The following RABGAP1L variants were observed in gnomAD, a reference collection of about 807,000 sequenced individuals.
The protein encoded by RABGAP1L is rab GTPase-activating protein 1-like.
RABGAP1L carries 63 observed loss-of-function variants against 137.7 expected under a neutral mutation model. The ratio of observed to expected loss-of-function variants is 0.46; its 90% CI spans 0.37 to 0.56. The LOEUF is 0.56. Ranked by LOEUF, RABGAP1L falls within the 20% of genes least tolerant of loss-of-function variation. RABGAP1L has a pLI of 0.00. For synonymous variants in RABGAP1L, 431 were observed against 433.7 expected (o/e 0.99, Z 0.08); for missense variants, 1,095 against 1,244.0 (o/e 0.88, Z 1.80).
At chr1:174,723,116 C>T (rs2148597314) in intron 17 of RABGAP1L, among the ~76,000 whole-genome samples, 1 of 152,158 alleles carries the variant, frequency 6.6e-6, no homozygotes, top group Non-Finnish European at 1.5e-5. Context: ...CTCTTGTTGC[C>T]CAGGCTGGAG....
chr1:174,507,342 T>A (rs1001737764), intron 13 of RABGAP1L, among the ~76,000 whole-genome samples: 8 of 152,118 alleles, frequency 5.3e-5, no homozygotes, highest in African/African-American at 1.9e-4. Context: ...TGGTGTAGGG[T>A]TGCCATGTTA....
At chr1:174,377,128 T>C (rs1056280480) in intron 12 of RABGAP1L, among the ~76,000 whole-genome samples, 9 of 152,104 alleles carry the variant, frequency 5.9e-5, no homozygotes, top group Non-Finnish European at 1.0e-4. Context: ...CCATGAAATA[T>C]ATAGAAATCG....
intron 1 of RABGAP1L, among the ~76,000 whole-genome samples, chr1:174,178,363 T>C (rs1206490998): frequency 6.6e-6 from 1 of 152,180 alleles, no homozygotes; most frequent in Non-Finnish European, 1.5e-5. Context: ...TTAAGGAGTT[T>C]TTGGGCTGAG....
intron 1 of RABGAP1L, among the ~76,000 whole-genome samples, chr1:174,203,459 G>C (rs1418359475): frequency 1.3e-5 from 2 of 152,072 alleles, no homozygotes; most frequent in Non-Finnish European, 2.9e-5. Context: ...TTGTTCCATT[G>C]GTCTATGTGC....
intron 13 of RABGAP1L, among the ~76,000 whole-genome samples, chr1:174,441,166 T>C (rs1474255194): frequency 2.0e-5 from 3 of 151,796 alleles, no homozygotes; most frequent in African/African-American, 7.2e-5. Context: ...AGTAATTCCA[T>C]ATAATGATTC....
chr1:174,241,523 C>A lies in RABGAP1L; in HGVS notation c.583C>A (p.Pro195Thr), dbSNP rs770116571. 33 of 1,608,032 alleles carry A rather than the reference C, an allele frequency of 2.1e-5. No homozygotes were observed. Among genetic ancestry groups the A allele is most frequent in the Non-Finnish European group, 2.8e-5 (33 of 1,177,236 alleles). ...CAGCAATGTGGAGATAGCATCTTTT[C>A]CAATCTATAAGGTGTTATTCTGTGC... Reference protein sequence around the residue: ...QSSNVEIASFPIYKVLFCARG... With the variant: ...QSSNVEIASFTIYKVLFCARG... The change falls in exon 5 of 26, where the codon CCA becomes ACA. Residue 195 changes from proline to threonine, a missense_variant. By Grantham distance (38) the Pro-to-Thr change is conservative (BLOSUM62 -1). Transcript: ENST00000681986.
chr1:174,633,141 C>T (rs909866025), intron 13 of RABGAP1L, among the ~76,000 whole-genome samples: 15 of 151,448 alleles, frequency 9.9e-5, no homozygotes, highest in Non-Finnish European at 1.3e-4. Context: ...ACCCCATCGT[C>T]TCAGCCCAAA....
At chr1:174,936,203 G>A (rs773981959) in intron 19 of RABGAP1L, among the ~76,000 whole-genome samples, 9 of 152,036 alleles carry the variant, frequency 5.9e-5, no homozygotes, top group East Asian at 1.9e-4. Context: ...AGTAGCTCAC[G>A]CTGGTAATCT....
intron 17 of RABGAP1L, among the ~76,000 whole-genome samples, chr1:174,709,864 A>G (rs546461475): frequency 1.2e-4 from 18 of 152,344 alleles, no homozygotes; most frequent in Non-Finnish European, 2.2e-4. Flanking sequence ...AAGATTGGTA[A>G]TAACAAACTC....
At chr1:174,940,276 T>C (rs1413057837) in intron 19 of RABGAP1L, among the ~76,000 whole-genome samples, 1 of 151,694 alleles carries the variant, frequency 6.6e-6, no homozygotes, top group East Asian at 1.9e-4. Context: ...CTTTTTTTTT[T>C]TTTTCTGAGA....
At position 174,562,219 on chromosome 1, in the gene RABGAP1L, A is replaced by C. The variant is rs372043806; in HGVS notation, c.1711-75156A>C. Among the ~76,000 whole-genome samples, 192 of 152,380 alleles carry C rather than the reference A, an allele frequency of 1.3e-3. 1 individual carries two copies. The highest frequency in any genetic ancestry group is 4.3e-3 in the African/African-American group (180 of 41,594). ...TATGAACAGACACTTCTCAAAAGAA[A>C]GACATTTATGCAGCCAACAAACATA... On this transcript the variant is annotated intron_variant, in intron 13 of 25. Coordinates refer to ENST00000681986, the MANE Select transcript of RABGAP1L (RefSeq NM_001366446.1).
intron 13 of RABGAP1L, among the ~76,000 whole-genome samples, chr1:174,629,814 G>A (rs1408509045): frequency 6.6e-6 from 1 of 152,124 alleles, no homozygotes; most frequent in Non-Finnish European, 1.5e-5. Context: ...GTGAGCCATC[G>A]CGCCTGGCCA....
At chr1:174,423,968 G>A (rs1240768763) in intron 13 of RABGAP1L, among the ~76,000 whole-genome samples, 3 of 152,074 alleles carry the variant, frequency 2.0e-5, no homozygotes, top group African/African-American at 7.2e-5. Flanking sequence ...GATCTGACAA[G>A]TTAGCCCCCT....
intron 1 of RABGAP1L, among the ~76,000 whole-genome samples, chr1:174,191,459 C>T (rs913637664): frequency 3.3e-5 from 5 of 152,162 alleles, no homozygotes; most frequent in African/African-American, 1.2e-4. Flanking sequence ...AAAAGATTGG[C>T]CAGTCAGATC....
intron 13 of RABGAP1L, among the ~76,000 whole-genome samples, chr1:174,554,202 C>T (rs745848408): frequency 6.6e-6 from 1 of 152,138 alleles, no homozygotes; most frequent in Admixed American, 6.5e-5. Context: ...AGTACTTTTG[C>T]AAATTGGACC....
At chr1:174,255,241 G>C (rs1571799202) in intron 7 of RABGAP1L, among the ~76,000 whole-genome samples, 1 of 152,130 alleles carries the variant, frequency 6.6e-6, no homozygotes, top group African/African-American at 2.4e-5. Context: ...TGATGAAAAA[G>C]AGCTGAAGAT....
chr1:174,280,857 T>TA (rs1675463794), intron 10 of RABGAP1L, among the ~76,000 whole-genome samples: 1 of 152,234 alleles, frequency 6.6e-6, no homozygotes, highest in African/African-American at 2.4e-5. Context: ...CGGTGAGTGT[T>TA]ACAGTTCTTA....
intron 18 of RABGAP1L, among the ~76,000 whole-genome samples, chr1:174,767,805 A>T (rs116009315): frequency 1.0e-3 from 156 of 152,302 alleles, no homozygotes; most frequent in African/African-American, 3.7e-3. Flanking sequence ...AATTTACAAA[A>T]AAAAGGGGTT....
intron 11 of RABGAP1L, among the ~76,000 whole-genome samples, chr1:174,349,047 G>GGGGA (rs1377804375): frequency 7.2e-6 from 1 of 139,062 alleles, no homozygotes; most frequent in Non-Finnish European, 1.6e-5. Flanking sequence ...GGCCGGGCGG[G>GGGGA]GGGGGGGCTG....
Sources: gnomAD v4.1 joint callset for allele counts (sites outside exome capture counted in the v4.1 genomes callset) on GRCh38, gnomAD v4.1.1 for gene constraint, MANE v1.5 for transcripts, NCBI Gene and HGNC (gene_info 2026-07-23, HGNC 2026-07-21) for gene names.